Variants in YWHAG observed in about 807,000 individuals in gnomAD.
YWHAG encodes 14-3-3 protein gamma.
In YWHAG, 1 loss-of-function variant was observed where a neutral mutation model predicts 23.3. That is an observed-to-expected ratio of 0.04 (90% confidence interval 0.02 to 0.20). YWHAG has a LOEUF of 0.20. Ranked by LOEUF, YWHAG falls within the 10% of genes least tolerant of loss-of-function variation. The probability of loss-of-function intolerance (pLI) is 1.00; values close to 1 mark genes in which losing one functional copy is unlikely to be tolerated. For synonymous variants in YWHAG, 160 were observed against 144.0 expected, an observed-to-expected ratio of 1.11 and a Z score of -0.80; for missense variants, 151 against 338.6, an observed-to-expected ratio of 0.45 and a Z score of 4.35.
At chr7:76,358,264 G>C (rs528658287) in intron 1 of YWHAG, among the ~76,000 whole-genome samples, 1 of 152,172 alleles carries the variant, frequency 6.6e-6, no homozygotes. Flanking sequence ...GGAAAACCGG[G>C]AGACCTGCTG....
intron 1 of YWHAG, among the ~76,000 whole-genome samples, chr7:76,349,622 G>C (rs1020212673): frequency 6.6e-6 from 1 of 152,164 alleles, no homozygotes; most frequent in Non-Finnish European, 1.5e-5. Context: ...TATGTAAGTT[G>C]TAAAAATTTA....
At chr7:76,338,324 G>T (rs1046193381) in intron 1 of YWHAG, among the ~76,000 whole-genome samples, 6 of 152,136 alleles carry the variant, frequency 3.9e-5, no homozygotes, top group African/African-American at 1.4e-4. Flanking sequence ...CGAGGAAGAG[G>T]AACAGCCTCA....
intron 1 of YWHAG, among the ~76,000 whole-genome samples, chr7:76,334,714 CCTT>C (rs1037022811): frequency 1.3e-5 from 2 of 150,238 alleles, no homozygotes; most frequent in South Asian, 2.1e-4. Context: ...TTCTGCCTAA[CCTT>C]CTTCTTCTTT....
chr7:76,336,501 G>A (rs1236061526), intron 1 of YWHAG, among the ~76,000 whole-genome samples: 2 of 147,248 alleles, frequency 1.4e-5, no homozygotes, highest in Non-Finnish European at 1.5e-5. Flanking sequence ...TGTCACCCAG[G>A]CTGGAGTGTG....
rs551375131 is a variant in YWHAG, at chr7:76,358,737, G to A, written c.72C>T (p.Ala24=). ...AGACACTCACGTTCTTCATGGCCGC[G>A]GCCATGTCGTCGTAGCGCTCCGCCT... The part of the protein sequence containing the change: ...AEQAERYDDM[A]AAMKNVTELN... Residue 24 remains alanine (A), a synonymous_variant, in exon 1 of 2, where the codon GCC becomes GCT. Coordinates refer to ENST00000307630, the MANE Select transcript of YWHAG (RefSeq NM_012479.4). 1.9e-6 allele frequency: 3 copies of A among 1,591,444 alleles called. No individual in the cohort carries two copies. The highest frequency in any genetic ancestry group is 2.6e-6 in the Non-Finnish European group (3 of 1,170,448).
In YWHAG at chr7:76,356,233, T is replaced by C. The variant is rs528054303; in HGVS notation, c.87+2489A>G. 6.6e-5 allele frequency among the ~76,000 whole-genome samples: 10 copies of C among 152,372 alleles called. No homozygotes were observed. In the South Asian group the frequency reaches 1.9e-3, roughly 28 times the overall value. On this transcript the variant is annotated intron_variant, in intron 1 of 1. Transcript: ENST00000307630. Reference sequence around the variant, plus strand: ...AACAGGAAGAAAATTTCTTAGGTAGTTGCCATTTTGGAACACCTACTACAT... The same window carrying C: ...AACAGGAAGAAAATTTCTTAGGTAGCTGCCATTTTGGAACACCTACTACAT...
chr7:76,344,505 G>A (rs1462974198), intron 1 of YWHAG, among the ~76,000 whole-genome samples: 1 of 152,148 alleles, frequency 6.6e-6, no homozygotes, highest in African/African-American at 2.4e-5. Context: ...CCCATGGCTG[G>A]CAGTCAAAAA....
rs895928474 is a variant in YWHAG, at chr7:76,327,034, A to G, written c.*2543T>C. 3.3e-5 allele frequency: 5 copies of G among 152,664 alleles called. No individual in the cohort carries two copies. The highest frequency in any genetic ancestry group is 7.3e-5 in the Non-Finnish European group (5 of 68,044). The allele number at this position is 152,664 out of a possible 1,614,324, so 9.5% of individuals were successfully genotyped here. The stretch of plus-strand genomic sequence containing the variant: ...ATATTTGTTGTTCTCCAACACTGTA[A>G]TAGTTATAATTTCACCATGACAAAC... On this transcript the variant is annotated 3_prime_UTR_variant, in exon 2 of 2. Coordinates refer to ENST00000307630, the MANE Select transcript of YWHAG (RefSeq NM_012479.4).
At chr7:76,345,561 C>T (rs1803766172) in intron 1 of YWHAG, among the ~76,000 whole-genome samples, 1 of 152,120 alleles carries the variant, frequency 6.6e-6, no homozygotes, top group Non-Finnish European at 1.5e-5. Flanking sequence ...TTTCTTCCCC[C>T]TCCATGGATT....
At chr7:76,348,804 T>G (rs917267223) in intron 1 of YWHAG, among the ~76,000 whole-genome samples, 4 of 151,800 alleles carry the variant, frequency 2.6e-5, no homozygotes, top group African/African-American at 9.7e-5. Flanking sequence ...CCTCCCAGAG[T>G]GCTGGGAATA....
intron 1 of YWHAG, among the ~76,000 whole-genome samples, chr7:76,348,683 T>C (rs1160917554): frequency 6.6e-6 from 1 of 150,982 alleles, no homozygotes; most frequent in African/African-American, 2.4e-5. Flanking sequence ...GGATTACAGG[T>C]GTGAGCCACC....
Position 76,327,337 on chromosome 7 carries a change from T to G in YWHAG, c.*2240A>C, listed in dbSNP as rs1231565946. ...AAGCTACTGTATAGAAATACAACAC[T>G]AGCATGCACAATATTGTATCAATAG... On this transcript the variant is annotated 3_prime_UTR_variant, in exon 2 of 2. Transcript: ENST00000307630. 2 of 152,084 alleles carry G rather than the reference T, an allele frequency of 1.3e-5. No homozygotes were observed. The highest frequency in any genetic ancestry group is 2.9e-5 in the Non-Finnish European group (2 of 67,994). 9.4% of individuals were successfully genotyped at this position (152,084 alleles called of 1,614,324 possible). A position where few individuals can be genotyped will look rare whatever the true frequency, so the allele number is the denominator to read the frequency against.
chr7:76,328,701 T>C lies in YWHAG; in HGVS notation c.*876A>G, dbSNP rs1022900617. The C allele has an allele frequency of 6.6e-6, 1 of 152,018 alleles. No homozygotes were observed. Among genetic ancestry groups the C allele is most frequent in the African/African-American group, 2.4e-5 (1 of 41,360 alleles). 9.4% of individuals were successfully genotyped at this position (152,018 alleles called of 1,614,324 possible). On this transcript the variant is annotated 3_prime_UTR_variant, in exon 2 of 2. Coordinates refer to ENST00000307630, the MANE Select transcript of YWHAG (RefSeq NM_012479.4). ...GAAAATACCAACACGATCCATGACA[T>C]ACAGACCTGAATTTTCTCTATTTTT...
chr7:76,335,608 T>C (rs1803604831), intron 1 of YWHAG, among the ~76,000 whole-genome samples: 1 of 152,220 alleles, frequency 6.6e-6, no homozygotes. Flanking sequence ...CCTTAAGCCA[T>C]GGAGTACCAG....
At chr7:76,346,219 C>T (rs1803777657) in intron 1 of YWHAG, among the ~76,000 whole-genome samples, 1 of 152,200 alleles carries the variant, frequency 6.6e-6, no homozygotes, top group Non-Finnish European at 1.5e-5. Flanking sequence ...AGGCTCTCCT[C>T]CCCTTGTCAG....
intron 1 of YWHAG, among the ~76,000 whole-genome samples, chr7:76,330,748 T>C (rs1256923107): frequency 6.6e-6 from 1 of 152,160 alleles, no homozygotes; most frequent in Non-Finnish European, 1.5e-5. Flanking sequence ...GGGCATAGGA[T>C]TGAGTCTGAT....
chr7:76,344,245 G>T (rs528288981), intron 1 of YWHAG, among the ~76,000 whole-genome samples: 1 of 152,148 alleles, frequency 6.6e-6, no homozygotes, highest in South Asian at 2.1e-4. Flanking sequence ...CAAGTATCTG[G>T]GACCACAGGT....
chr7:76,342,848 AT>A (rs759957939), intron 1 of YWHAG, among the ~76,000 whole-genome samples: 3 of 152,106 alleles, frequency 2.0e-5, no homozygotes, highest in Non-Finnish European at 2.9e-5. Flanking sequence ...GTTAAAAAAA[AT>A]TAACCAGCCG....
chr7:76,358,078 G>A (rs1044189060), intron 1 of YWHAG, among the ~76,000 whole-genome samples: 1 of 152,236 alleles, frequency 6.6e-6, no homozygotes, highest in African/African-American at 2.4e-5. Flanking sequence ...CGGAGGACTT[G>A]CTTTGGGCGA....
Sources: allele counts gnomAD v4.1 joint callset (sites outside exome capture counted in the v4.1 genomes callset), GRCh38; gene constraint gnomAD v4.1.1; transcripts MANE v1.5; gene names NCBI Gene and HGNC (gene_info 2026-07-23, HGNC 2026-07-21).